The following CHODL variants were observed in gnomAD, a reference collection of about 807,000 sequenced individuals.
CHODL encodes transmembrane protein MT75.
A neutral mutation model predicts 34.5 loss-of-function variants in CHODL; 29 were observed. The ratio of observed to expected loss-of-function variants is 0.84; its 90% CI spans 0.63 to 1.15. CHODL has a LOEUF of 1.15. Ranked by LOEUF, CHODL falls within the 50% of genes most tolerant of loss-of-function variation. The pLI, the probability that CHODL is intolerant of heterozygous loss-of-function variation, is 0.00. For synonymous variants in CHODL, 125 were observed against 116.1 expected (o/e 1.08, Z -0.49); for missense variants, 332 against 332.5 (o/e 1.00, Z 0.01).
chr21:17,937,953 T>C (rs1223866825), intron 1 of CHODL, among the ~76,000 whole-genome samples: 2 of 152,192 alleles, frequency 1.3e-5, no homozygotes, highest in Non-Finnish European at 1.5e-5. Context: ...AAAAGTCTAC[T>C]GGGCAAGTTC....
chr21:17,932,634 A>G (rs1288444223), intron 1 of CHODL, among the ~76,000 whole-genome samples: 2 of 152,200 alleles, frequency 1.3e-5, no homozygotes, highest in Admixed American at 1.3e-4. Context: ...CTCATAAGAA[A>G]GAATAAAATC....
intron 2 of CHODL, among the ~76,000 whole-genome samples, chr21:18,111,424 C>T (rs145789225): frequency 0.01 from 1,573 of 152,246 alleles, 23 homozygotes; most frequent in African/African-American, 0.036. Context: ...TTGTCGGCTA[C>T]GCCAGCATGG....
At chr21:17,942,570 TAATA>T (rs2063374310) in intron 1 of CHODL, among the ~76,000 whole-genome samples, 3 of 152,140 alleles carry the variant, frequency 2.0e-5, no homozygotes, top group African/African-American at 7.2e-5. Flanking sequence ...GAAAGTGGAC[TAATA>T]ATATATAGTA....
intron 1 of CHODL, among the ~76,000 whole-genome samples, chr21:17,999,928 A>AT (rs941523201): frequency 7.2e-5 from 11 of 152,008 alleles, no homozygotes; most frequent in Admixed American, 2.6e-4. Flanking sequence ...TTTAAAGTTA[A>AT]TTTTTTTTAA....
chr21:18,120,078 C>T (rs1198537121), intron 2 of CHODL, among the ~76,000 whole-genome samples: 1 of 152,048 alleles, frequency 6.6e-6, no homozygotes, highest in Non-Finnish European at 1.5e-5. Context: ...TCCCCAGTAG[C>T]TCTTGATTAG....
chr21:18,251,735 T>C (rs1190191902), intron 1 of CHODL, among the ~76,000 whole-genome samples: 1 of 113,094 alleles, frequency 8.8e-6, no homozygotes, highest in Non-Finnish European at 1.7e-5. Context: ...ATATTTATTT[T>C]ATTTATTTTA....
chr21:18,037,967 G>A (rs556924049), intron 2 of CHODL, among the ~76,000 whole-genome samples: 2 of 151,380 alleles, frequency 1.3e-5, no homozygotes, highest in Non-Finnish European at 3.0e-5. Context: ...GTTTTTTTCC[G>A]TGCTTTTAAG....
chr21:17,973,059 T>C (rs36169295), intron 1 of CHODL, among the ~76,000 whole-genome samples: 1 of 152,160 alleles, frequency 6.6e-6, no homozygotes, highest in African/African-American at 2.4e-5. Flanking sequence ...CCTTATTTAA[T>C]AAATGGTGCT....
intron 1 of CHODL, among the ~76,000 whole-genome samples, chr21:18,011,709 G>T (rs1460129778): frequency 6.6e-6 from 1 of 152,142 alleles, no homozygotes; most frequent in African/African-American, 2.4e-5. Context: ...CTTTCTTAGT[G>T]TGTGTCAGAA....
chr21:17,927,795 G>C (rs1254133123), intron 1 of CHODL, among the ~76,000 whole-genome samples: 1 of 152,108 alleles, frequency 6.6e-6, no homozygotes, highest in Non-Finnish European at 1.5e-5. Flanking sequence ...GTCCATAGTA[G>C]GTTTATCTTT....
chr21:18,101,166 GT>G (rs5842675), intron 2 of CHODL, among the ~76,000 whole-genome samples: 62,108 of 151,820 alleles, frequency 0.41, 13,431 homozygotes, highest in Non-Finnish European at 0.48. Flanking sequence ...AGATCTGATG[GT>G]TTTTAAAAAC....
chr21:18,035,470 C>A (rs77448810), intron 2 of CHODL, among the ~76,000 whole-genome samples: 1 of 151,898 alleles, frequency 6.6e-6, no homozygotes, highest in African/African-American at 2.4e-5. Flanking sequence ...GTTTGTTGAA[C>A]GTTTTGGATC....
chr21:18,127,677 T>G (rs1206532871), intron 2 of CHODL, among the ~76,000 whole-genome samples: 2 of 112,094 alleles, frequency 1.8e-5, no homozygotes, highest in Non-Finnish European at 3.7e-5. Flanking sequence ...CCATTGTTTT[T>G]TTTTTTTTTT....
chr21:18,146,269 T>C (rs1324649917), intron 2 of CHODL, among the ~76,000 whole-genome samples: 1 of 151,900 alleles, frequency 6.6e-6, no homozygotes. Context: ...GAGCCACACC[T>C]TGGCCTGGAA....
At position 18,249,184 on chromosome 21, in the gene CHODL, C is replaced by T. The variant is rs572815378; in HGVS notation, c.79+3882C>T. On this transcript the variant is annotated intron_variant, in intron 1 of 5. Coordinates refer to ENST00000299295, the MANE Select transcript of CHODL (RefSeq NM_024944.3). ...CCAAGGTTAAAATTCAGAAGATGCACTCACAAACAATTTTTACTATTTACA... is the reference window on the plus strand; with the variant it reads ...CCAAGGTTAAAATTCAGAAGATGCATTCACAAACAATTTTTACTATTTACA... 8.3e-4 allele frequency among the ~76,000 whole-genome samples: 119 copies of T among 143,186 alleles called. 1 individual carries two copies. The highest frequency in any genetic ancestry group is 3.0e-3 in the African/African-American group (116 of 38,664). 93.9% of individuals were successfully genotyped at this position (143,186 alleles called of 152,430 possible). A position where few individuals can be genotyped will look rare whatever the true frequency, so the allele number is the denominator to read the frequency against.
At chr21:18,203,041 A>G (rs1224773493) in intron 2 of CHODL, among the ~76,000 whole-genome samples, 2 of 152,246 alleles carry the variant, frequency 1.3e-5, no homozygotes, top group African/African-American at 4.8e-5. Flanking sequence ...TGATCCAATT[A>G]TTAAATGAAA....
At chr21:18,168,868 T>C (rs1257403776) in intron 2 of CHODL, among the ~76,000 whole-genome samples, 1 of 152,200 alleles carries the variant, frequency 6.6e-6, no homozygotes, top group Non-Finnish European at 1.5e-5. Context: ...TATGTATGTA[T>C]ATTTTTCTAA....
chr21:18,051,667 A>G (rs1278003973), intron 2 of CHODL, among the ~76,000 whole-genome samples: 1 of 151,904 alleles, frequency 6.6e-6, no homozygotes, highest in Non-Finnish European at 1.5e-5. Flanking sequence ...ATTTGGCAGG[A>G]ATTTTAAGAA....
chr21:17,999,936 T>A (rs549549049), intron 1 of CHODL, among the ~76,000 whole-genome samples: 18 of 152,314 alleles, frequency 1.2e-4, no homozygotes, highest in Admixed American at 2.0e-4. Flanking sequence ...TAATTTTTTT[T>A]AAATCATGCT....
Sources: gnomAD v4.1 joint callset for allele counts (sites outside exome capture counted in the v4.1 genomes callset) on GRCh38, gnomAD v4.1.1 for gene constraint, MANE v1.5 for transcripts, NCBI Gene and HGNC (gene_info 2026-07-23, HGNC 2026-07-21) for gene names.